The following CSMD1 variants were observed in gnomAD, a reference collection of about 807,000 sequenced individuals.
CSMD1 encodes the protein CUB and Sushi multiple domains 1.
In CSMD1, 213 loss-of-function variants were observed where a neutral mutation model predicts 417.5. That is an observed-to-expected ratio of 0.51 (90% CI 0.46 to 0.57). CSMD1 has a LOEUF of 0.57. Among genes scored for constraint, CSMD1 ranks in the 20% least tolerant of loss-of-function variants. The pLI is 0.00. For synonymous variants in CSMD1, 2,862 were observed against 1,736.8 expected, an observed-to-expected ratio of 1.65 and a Z score of -16.11; for missense variants, 6,923 against 4,529.7, an observed-to-expected ratio of 1.53 and a Z score of -15.17.
intron 41 of CSMD1, among the ~76,000 whole-genome samples, chr8:3,132,098 C>T (rs545150275): frequency 4.6e-5 from 7 of 152,276 alleles, no homozygotes; most frequent in East Asian, 1.9e-4. Flanking sequence ...GTTCTGCTCA[C>T]GTGGAACTTT....
chr8:4,526,418 G>A (rs1207470295), intron 2 of CSMD1, among the ~76,000 whole-genome samples: 2 of 152,202 alleles, frequency 1.3e-5, no homozygotes, highest in African/African-American at 2.4e-5. Flanking sequence ...ATGCCCAAGG[G>A]CAAATGCCTA....
At chr8:4,472,130 T>A (rs1373858754) in intron 2 of CSMD1, among the ~76,000 whole-genome samples, 1 of 152,204 alleles carries the variant, frequency 6.6e-6, no homozygotes, top group Non-Finnish European at 1.5e-5. Context: ...TTCTTCAATA[T>A]CGATGTGTCT....
At chr8:4,509,956 T>A (rs1235734933) in intron 2 of CSMD1, among the ~76,000 whole-genome samples, 1 of 152,088 alleles carries the variant, frequency 6.6e-6, no homozygotes, top group Non-Finnish European at 1.5e-5. Flanking sequence ...ATTTTATGAT[T>A]TTGCTGTGTC....
chr8:4,426,379 T>C (rs1395763270), intron 2 of CSMD1, among the ~76,000 whole-genome samples: 1 of 149,778 alleles, frequency 6.7e-6, no homozygotes, highest in East Asian at 1.9e-4. Context: ...ATTTTGTATG[T>C]AGTATATATA....
At chr8:3,139,931 C>A (rs1161943255) in intron 41 of CSMD1, among the ~76,000 whole-genome samples, 18 of 129,238 alleles carry the variant, frequency 1.4e-4, no homozygotes, top group Non-Finnish European at 2.4e-4. Flanking sequence ...TAGATGGAGT[C>A]TCCCTCTGTC....
At chr8:4,168,222 T>C (rs535184810) in intron 3 of CSMD1, among the ~76,000 whole-genome samples, 40 of 151,460 alleles carry the variant, frequency 2.6e-4, no homozygotes, top group African/African-American at 9.0e-4. Context: ...CACACACATA[T>C]ATACACAAAC....
At chr8:4,312,200 T>A (rs1798622729) in intron 3 of CSMD1, among the ~76,000 whole-genome samples, 2 of 151,968 alleles carry the variant, frequency 1.3e-5, no homozygotes, top group African/African-American at 4.8e-5. Context: ...ATACACACTA[T>A]CTATATGCAT....
chr8:4,372,176 A>T (rs530215190), intron 3 of CSMD1, among the ~76,000 whole-genome samples: 1 of 152,208 alleles, frequency 6.6e-6, no homozygotes, highest in Non-Finnish European at 1.5e-5. Flanking sequence ...CCAAAAAGAG[A>T]TATTTTTTTG....
intron 2 of CSMD1, among the ~76,000 whole-genome samples, chr8:4,636,618 T>C (rs993490366): frequency 2.6e-5 from 4 of 152,250 alleles, no homozygotes; most frequent in Admixed American, 1.3e-4. Context: ...TGTATTATAA[T>C]TTTATTTAAA....
At chr8:4,763,657 G>A (rs542760191) in intron 1 of CSMD1, among the ~76,000 whole-genome samples, 8 of 152,224 alleles carry the variant, frequency 5.3e-5, no homozygotes, top group African/African-American at 1.7e-4. Flanking sequence ...TGGTCACTGA[G>A]ATATAAATAA....
intron 5 of CSMD1, among the ~76,000 whole-genome samples, chr8:3,867,680 A>G (rs557076409): frequency 8.4e-4 from 128 of 152,288 alleles, no homozygotes; most frequent in African/African-American, 3.0e-3. Context: ...ACAGAAACCT[A>G]GAACCATGTA....
Position 3,638,568 on chromosome 8 carries a change from C to A in CSMD1, c.1010-21771G>T, listed in dbSNP as rs1040930799. On this transcript the variant is annotated intron_variant, in intron 7 of 69. Coordinates refer to ENST00000635120, the MANE Select transcript of CSMD1 (RefSeq NM_033225.6). ...TTACAGAGGGGATGCTTGTCCCTGCCTGCAAAGTGCAATCTGGAAAGGGTC... is the reference window on the plus strand; with the variant it reads ...TTACAGAGGGGATGCTTGTCCCTGCATGCAAAGTGCAATCTGGAAAGGGTC... Among the ~76,000 whole-genome samples the A allele has an allele frequency of 1.3e-5, 2 of 152,162 alleles. 1 individual carries two copies. The highest frequency in any genetic ancestry group is 4.1e-4 in the South Asian group (2 of 4,822).
At chr8:2,939,787 G>C (rs902915793) in intron 69 of CSMD1, among the ~76,000 whole-genome samples, 4 of 152,208 alleles carry the variant, frequency 2.6e-5, no homozygotes, top group Middle Eastern at 3.2e-3. Flanking sequence ...GAGTGGGAGA[G>C]GTCCGTGACA....
chr8:4,260,012 C>T (rs376548309), intron 3 of CSMD1, among the ~76,000 whole-genome samples: 1 of 116,876 alleles, frequency 8.6e-6, no homozygotes, highest in Non-Finnish European at 1.8e-5. Context: ...GTTAACATGT[C>T]TTCTTGTGCA....
At chr8:4,948,563 C>G (rs994218347) in intron 1 of CSMD1, among the ~76,000 whole-genome samples, 3 of 151,956 alleles carry the variant, frequency 2.0e-5, no homozygotes, top group African/African-American at 7.2e-5. Flanking sequence ...AAAATTTATT[C>G]ATAGTACCTT....
intron 1 of CSMD1, among the ~76,000 whole-genome samples, chr8:4,741,280 A>G (rs1018709947): frequency 6.6e-6 from 1 of 152,222 alleles, no homozygotes. Flanking sequence ...AAAATTTATT[A>G]TATCACAATG....
At chr8:4,872,388 T>A (rs1183273796) in intron 1 of CSMD1, among the ~76,000 whole-genome samples, 1 of 152,012 alleles carries the variant, frequency 6.6e-6, no homozygotes, top group Non-Finnish European at 1.5e-5. Context: ...TGGGAGTGGT[T>A]TCCCTGATGC....
intron 1 of CSMD1, among the ~76,000 whole-genome samples, chr8:4,916,157 T>C (rs1265578333): frequency 6.6e-6 from 1 of 152,184 alleles, no homozygotes; most frequent in Admixed American, 6.5e-5. Context: ...CATAAAAATG[T>C]TTTTATAAAA....
At chr8:3,645,373 A>G (rs150290083) in intron 7 of CSMD1, among the ~76,000 whole-genome samples, 112 of 152,360 alleles carry the variant, frequency 7.4e-4, no homozygotes, top group African/African-American at 2.5e-3. Context: ...TGCTGTGATT[A>G]GCCAGATTGG....
Sources: allele counts gnomAD v4.1 joint callset (sites outside exome capture counted in the v4.1 genomes callset), GRCh38; gene constraint gnomAD v4.1.1; transcripts MANE v1.5; gene names NCBI Gene and HGNC (gene_info 2026-07-23, HGNC 2026-07-21).